KCNH6: variants seen among roughly 807,000 people sequenced by gnomAD.
KCNH6 encodes voltage-gated inwardly rectifying potassium channel KCNH6.
Under a neutral mutation model 83.4 loss-of-function variants are expected in KCNH6, and 81 were observed. The observed-to-expected ratio is 0.97, with a 90% CI of 0.81 to 1.17. The LOEUF is 1.17. Among genes scored for constraint, KCNH6 ranks in the 50% most tolerant of loss-of-function variants. KCNH6 has a pLI of 0.00. For synonymous variants in KCNH6, 503 were observed against 545.6 expected (o/e 0.92, Z 1.09); for missense variants, 1,203 against 1,290.5 (o/e 0.93, Z 1.04).
chr17:63,537,579 C>T (rs560483263), intron 6 of KCNH6, among the ~76,000 whole-genome samples: 10 of 152,104 alleles, frequency 6.6e-5, no homozygotes, highest in African/African-American at 2.4e-4. Context: ...GGATTACAGA[C>T]GGGCATCACC....
intron 4 of KCNH6, among the ~76,000 whole-genome samples, chr17:63,532,659 A>AT (rs1385573002): frequency 6.6e-6 from 1 of 152,224 alleles, no homozygotes; most frequent in African/African-American, 2.4e-5. Flanking sequence ...TTGAAACTAA[A>AT]TGGATCTGCC....
intron 12 of KCNH6, 88 bp from the exon 13 acceptor site, chr17:63,545,521 C>T: frequency 7.2e-7 from 1 of 1,384,284 alleles, no homozygotes; most frequent in African/African-American, 1.4e-5. Flanking sequence ...AGGGCAGGTA[C>T]AATTTTTGCC....
rs962237851 is a variant in KCNH6, at chr17:63,544,403, G to A, written c.2388G>A (p.Gln796=). 6.3e-7 allele frequency: 1 copy of A among 1,578,558 alleles called. No individual in the cohort carries two copies. Among genetic ancestry groups the A allele is most frequent in the Non-Finnish European group, 8.6e-7 (1 of 1,164,112 alleles). Residue 796 remains glutamine (Q), a synonymous_variant, in exon 11 of 13, where the codon CAG becomes CAA. Coordinates refer to ENST00000314672, the MANE Select transcript of KCNH6 (RefSeq NM_001278919.2). ...CCAGGCTAGAGCAGCTCCAGGCCCA[G>A]ATGAACAGGTGTGTGTGCTGTGGTC... The part of the protein sequence containing the change: ...LGSRLEQLQA[Q]MNRLESRVSS...
Position 63,545,138 on chromosome 17 carries a change from G to A in KCNH6, c.2457G>A (p.Met819Ile). The A allele has an allele frequency of 6.2e-7, 1 of 1,613,820 alleles. No individual in the cohort carries two copies. The highest frequency in any genetic ancestry group is 1.6e-4 in the Middle Eastern group (1 of 6,062). The change falls in exon 12 of 13, where the codon ATG (methionine) becomes ATA (isoleucine). Residue 819 changes from methionine to isoleucine, a missense_variant. Physicochemically the swap from Met to Ile is conservative, Grantham distance 10. Coordinates refer to ENST00000314672, the MANE Select transcript of KCNH6 (RefSeq NM_001278919.2). Reference sequence around the variant, plus strand: ...TCTTGCAGCTCCTCCAGAAGCCCATGCCCCAGGGCCACGCCAGCTACATTC... The same window carrying A: ...TCTTGCAGCTCCTCCAGAAGCCCATACCCCAGGGCCACGCCAGCTACATTC... The part of the protein sequence containing the change: ...SRILQLLQKP[M>I]PQGHASYILE...
intron 2 of KCNH6, 109 bp from the exon 3 acceptor site, chr17:63,529,982 C>T: frequency 8.4e-7 from 1 of 1,187,910 alleles, no homozygotes; most frequent in Non-Finnish European, 1.2e-6. Flanking sequence ...AGCCTCTTCA[C>T]CCGTGGCTGC....
intron 9 of KCNH6, among the ~76,000 whole-genome samples, chr17:63,543,323 G>C (rs990781321): frequency 6.6e-6 from 1 of 152,042 alleles, no homozygotes; most frequent in African/African-American, 2.4e-5. Context: ...AGACTGACAG[G>C]TTAGGACTCT....
At chr17:63,528,606 T>C (rs1430421923) in intron 2 of KCNH6, among the ~76,000 whole-genome samples, 1 of 152,110 alleles carries the variant, frequency 6.6e-6, no homozygotes, top group African/African-American at 2.4e-5. Context: ...CTTCCATACA[T>C]TCAGTCAACA....
Position 63,535,827 on chromosome 17 carries a change from C to T in KCNH6, c.1260C>T (p.Tyr420=), listed in dbSNP as rs78664295. The T allele has an allele frequency of 1.8e-5, 29 of 1,614,220 alleles. No homozygotes were observed. The highest frequency in any genetic ancestry group is 2.2e-5 in the Non-Finnish European group (26 of 1,180,050). Reference sequence around the variant, plus strand: ...CGCACTGGCTGGCCTGCATCTGGTACGCCATCGGCAATGTGGAGCGGCCCT... The same window carrying T: ...CGCACTGGCTGGCCTGCATCTGGTATGCCATCGGCAATGTGGAGCGGCCCT... The part of the protein sequence containing the change: ...LIAHWLACIW[Y]AIGNVERPYL... The change falls in exon 6 of 13, where the codon TAC becomes TAT. Residue 420 remains tyrosine, a synonymous_variant. Transcript: ENST00000314672. The surrounding 1 kb of genome is among the most constrained non-coding windows in gnomAD (Gnocchi z 4.9).
In KCNH6 at chr17:63,533,303, G is replaced by A. The variant is rs759076604; in HGVS notation, c.676-583G>A. Among the ~76,000 whole-genome samples the A allele has an allele frequency of 2.0e-5, 3 of 152,084 alleles. No individual in the cohort carries two copies. The highest frequency in any genetic ancestry group is 4.8e-5 in the African/African-American group (2 of 41,408). ...CAGTTTTCCTTGGTGCCCAGGACCCGTTGAGGGTCCAGGTTGGCTACACCC... is the reference window on the plus strand; with the variant it reads ...CAGTTTTCCTTGGTGCCCAGGACCCATTGAGGGTCCAGGTTGGCTACACCC... On this transcript the variant is annotated intron_variant, in intron 4 of 12. Transcript: ENST00000314672. This position sits in a 1 kb window ranked among gnomAD's most constrained non-coding sequence, Gnocchi z 4.1.
intron 4 of KCNH6, among the ~76,000 whole-genome samples, chr17:63,531,394 G>A (rs1484609599): frequency 6.6e-6 from 1 of 152,210 alleles, no homozygotes; most frequent in Admixed American, 6.5e-5. Context: ...AGTAGTTCTG[G>A]CCCCAGGAGG....
At chr17:63,545,024 C>G in intron 11 of KCNH6, 54 bp from the exon 12 acceptor site, 2 of 1,569,198 alleles carry the variant, frequency 1.3e-6, no homozygotes, top group Non-Finnish European at 8.7e-7. Flanking sequence ...GACAGCTGCC[C>G]TCAGGAACTA....
At position 63,533,017 on chromosome 17, in the gene KCNH6, A is replaced by G. The variant is rs2032224991; in HGVS notation, c.676-869A>G. 6.6e-6 allele frequency among the ~76,000 whole-genome samples: 1 copy of G among 152,184 alleles called. No individual in the cohort carries two copies. Among genetic ancestry groups the G allele is most frequent in the Admixed American group, 6.5e-5 (1 of 15,282 alleles). ...GGGAACTGAGGCTCACAGAGGTTAC[A>G]AAACTTGCCCAAGGCTCACCTATAG... On this transcript the variant is annotated intron_variant, in intron 4 of 12. Coordinates refer to ENST00000314672, the MANE Select transcript of KCNH6 (RefSeq NM_001278919.2). The surrounding 1 kb of genome is among the most constrained non-coding windows in gnomAD (Gnocchi z 4.1).
rs201683221 is a variant in KCNH6 at position 63,534,143 on chromosome 17, C to T, written c.933C>T (p.Phe311=). The change falls in exon 5 of 13, where the codon TTC becomes TTT. Residue 311 remains phenylalanine, a synonymous_variant. Coordinates refer to ENST00000314672, the MANE Select transcript of KCNH6 (RefSeq NM_001278919.2). This position sits in a 1 kb window ranked among gnomAD's most constrained non-coding sequence, Gnocchi z 5.0. The stretch of plus-strand genomic sequence containing the variant: ...TGGATCTCATCGTGGACATCATGTT[C>T]GTCGTGGACATCGTCATCAACTTCC... ...TVVDLIVDIM[F]VVDIVINFRT... The T allele has an allele frequency of 1.1e-5, 17 of 1,484,742 alleles. No individual in the cohort carries two copies. Among genetic ancestry groups the T allele is most frequent in the Admixed American group, 5.8e-5 (3 of 52,090 alleles). The allele number at this position is 1,484,742 out of a possible 1,614,324, so 92.0% of individuals were successfully genotyped here. A position where few individuals can be genotyped will look rare whatever the true frequency, so the allele number is the denominator to read the frequency against.
chr17:63,541,286 CTTTTT>C (rs58311051), intron 8 of KCNH6, among the ~76,000 whole-genome samples: 1 of 108,838 alleles, frequency 9.2e-6, no homozygotes, highest in Non-Finnish European at 1.8e-5. Flanking sequence ...GTGCCTCTTG[CTTTTT>C]TTTTTTTTTT....
In KCNH6 at chr17:63,546,112, C is replaced by A; in HGVS notation, c.*210C>A. 2.0e-6 allele frequency: 1 copy of A among 501,726 alleles called. No individual in the cohort carries two copies. The highest frequency in any genetic ancestry group is 3.6e-6 in the Non-Finnish European group (1 of 280,134). 31.1% of individuals were successfully genotyped at this position (501,726 alleles called of 1,614,324 possible). A position where few individuals can be genotyped will look rare whatever the true frequency, so the allele number is the denominator to read the frequency against. On this transcript the variant is annotated 3_prime_UTR_variant, in exon 13 of 13. Coordinates refer to ENST00000314672, the MANE Select transcript of KCNH6 (RefSeq NM_001278919.2). ...AAAAATAGCCGGGCGTGGTGGCAGG[C>A]GCCTGTAATCCCAGCTACTGGGGAG...
At chr17:63,543,445 C>T (rs953811448) in intron 9 of KCNH6, 131 bp from the exon 10 acceptor site, 8 of 663,526 alleles carry the variant, frequency 1.2e-5, no homozygotes, top group Admixed American at 9.7e-5. Flanking sequence ...TCCAGGGCAT[C>T]GCTGCTGTGC....
chr17:63,532,956 C>G (rs1454894722), intron 4 of KCNH6, among the ~76,000 whole-genome samples: 1 of 152,190 alleles, frequency 6.6e-6, no homozygotes, highest in African/African-American at 2.4e-5. Context: ...CTACCCATGG[C>G]TTTTGTTGTC....
At position 63,530,484 on chromosome 17, in the gene KCNH6, T is replaced by C. The variant is rs778837576; in HGVS notation, c.617T>C (p.Ile206Thr). ...HRSSSTTEIE[I>T]IAPHKVVERT... The stretch of plus-strand genomic sequence containing the variant: ...TCCAGCTCCACCACGGAGATTGAGA[T>C]CATCGCGCCCCATAAGGTGGTGGAG... Residue 206 changes from isoleucine (I) to threonine (T), a missense_variant, in exon 4 of 13, where the codon ATC (isoleucine) becomes ACC (threonine). Physicochemically the swap from Ile to Thr is moderately conservative, Grantham distance 89. Coordinates refer to ENST00000314672, the MANE Select transcript of KCNH6 (RefSeq NM_001278919.2). The C allele has an allele frequency of 1.2e-6, 2 of 1,614,070 alleles. No homozygotes were observed. Among genetic ancestry groups the C allele is most frequent in the African/African-American group, 2.7e-5 (2 of 74,944 alleles).
chr17:63,542,237 G>A lies in KCNH6; in HGVS notation c.1955-4G>A. On this transcript the variant is annotated splice_region_variant and splice_polypyrimidine_tract_variant and intron_variant, in intron 8 of 12. Coordinates refer to ENST00000314672, the MANE Select transcript of KCNH6 (RefSeq NM_001278919.2). ...GAAGAGACTCCCACCCCTCTGGCTG[G>A]CAGGAAAGAATGACATCTTTGGGGA... is the stretch of plus-strand genomic sequence containing the variant. 6.2e-7 allele frequency: 1 copy of A among 1,613,208 alleles called. No individual in the cohort carries two copies. Among genetic ancestry groups the A allele is most frequent in the Non-Finnish European group, 8.5e-7 (1 of 1,179,440 alleles).
Sources: gnomAD v4.1 joint callset for allele counts (sites outside exome capture counted in the v4.1 genomes callset) on GRCh38, gnomAD v4.1.1 for gene constraint, Gnocchi (gnomAD v3.1) non-coding constraint, MANE v1.5 for transcripts, NCBI Gene and HGNC (gene_info 2026-07-23, HGNC 2026-07-21) for gene names.